Variants in STK33 observed in about 807,000 individuals in gnomAD.
STK33 encodes serine/threonine-protein kinase 33.
STK33 carries 52 observed loss-of-function variants against 58.0 expected under a neutral mutation model. The ratio of observed to expected loss-of-function variants is 0.90; its 90% CI spans 0.72 to 1.13. The LOEUF is 1.13. Ranked by LOEUF, STK33 falls within the 50% of genes most tolerant of loss-of-function variation. The pLI is 0.00. For synonymous variants in STK33, 215 were observed against 200.1 expected, an observed-to-expected ratio of 1.07 and a Z score of -0.63; for missense variants, 630 against 604.2, an observed-to-expected ratio of 1.04 and a Z score of -0.45.
chr11:8,450,704 AAAG>A (rs1278025054), intron 11 of STK33, among the ~76,000 whole-genome samples: 1 of 152,204 alleles, frequency 6.6e-6, no homozygotes, highest in African/African-American at 2.4e-5. Flanking sequence ...AGGAAGCACA[AAAG>A]AAGAAAAGCT....
intron 2 of STK33, among the ~76,000 whole-genome samples, chr11:8,479,493 C>A (rs1441340136): frequency 1.3e-5 from 2 of 150,982 alleles, no homozygotes; most frequent in African/African-American, 4.9e-5. Flanking sequence ...AACCAGGAAA[C>A]CCTCTCCCTG....
At chr11:8,382,141 A>G in the STK33 span, among the ~76,000 whole-genome samples, 1 of 152,120 alleles carries the variant, frequency 6.6e-6, no homozygotes, top group Non-Finnish European at 1.5e-5. Context: ...GTCAGTCCAC[A>G]TGAAGGGACA....
At chr11:8,375,441 T>G in the STK33 span, among the ~76,000 whole-genome samples, 1 of 152,218 alleles carries the variant, frequency 6.6e-6, no homozygotes, top group Admixed American at 6.5e-5. Flanking sequence ...CTCCTGGAAC[T>G]TGTGTTAATT....
chr11:8,400,826 A>G (rs1937743298), intron 15 of STK33, among the ~76,000 whole-genome samples: 1 of 152,230 alleles, frequency 6.6e-6, no homozygotes, highest in Non-Finnish European at 1.5e-5. Context: ...TACACCAATA[A>G]CAGACAAACA....
chr11:8,510,370 T>C (rs955830116), intron 1 of STK33, among the ~76,000 whole-genome samples: 1 of 152,198 alleles, frequency 6.6e-6, no homozygotes, highest in African/African-American at 2.4e-5. Flanking sequence ...CTTGTTGACT[T>C]GCTTAAGTTC....
intron 9 of STK33, among the ~76,000 whole-genome samples, chr11:8,456,110 T>C (rs185377940): frequency 3.1e-4 from 47 of 152,336 alleles, no homozygotes; most frequent in African/African-American, 8.9e-4. Flanking sequence ...AATAATCTTA[T>C]CAAGTTCCAT....
intron 15 of STK33, among the ~76,000 whole-genome samples, chr11:8,399,623 A>G (rs1850020109): frequency 6.6e-6 from 1 of 152,228 alleles, no homozygotes; most frequent in Non-Finnish European, 1.5e-5. Context: ...AGATCAGAGC[A>G]GAACTGAAGG....
intron 1 of STK33, among the ~76,000 whole-genome samples, chr11:8,540,260 C>T (rs1174896270): frequency 6.6e-6 from 1 of 150,676 alleles, no homozygotes; most frequent in Non-Finnish European, 1.5e-5. Flanking sequence ...GTGGGAGGAT[C>T]GTTTGAGGCT....
intron 1 of STK33, among the ~76,000 whole-genome samples, chr11:8,526,853 TATAG>T (rs975866282): frequency 7.7e-6 from 1 of 129,160 alleles, no homozygotes; most frequent in Non-Finnish European, 1.7e-5. Flanking sequence ...CAGACAAAAA[TATAG>T]ATACTGTAAG....
At chr11:8,399,985 C>T (rs1372502578) in intron 15 of STK33, among the ~76,000 whole-genome samples, 1 of 152,102 alleles carries the variant, frequency 6.6e-6, no homozygotes, top group Non-Finnish European at 1.5e-5. Flanking sequence ...TAATAGCTTA[C>T]CAACCAAAAA....
intron 1 of STK33, among the ~76,000 whole-genome samples, chr11:8,553,396 CA>C (rs923571887): frequency 1.3e-5 from 2 of 151,478 alleles, no homozygotes; most frequent in African/African-American, 4.8e-5. Context: ...ATAGCATCAC[CA>C]AAAACACCTG....
intron 9 of STK33, 84 bp from the exon 10 acceptor site, chr11:8,454,916 A>T (rs1946671353): frequency 6.9e-6 from 9 of 1,307,516 alleles, no homozygotes; most frequent in Non-Finnish European, 8.0e-6. Flanking sequence ...ATATTTGACA[A>T]ATTAATATCC....
rs2137833335 is a variant in STK33, at chr11:8,473,266, G to A, written c.236C>T (p.Thr79Ile). The A allele has an allele frequency of 6.2e-7, 1 of 1,603,154 alleles. No homozygotes were observed. Among genetic ancestry groups the A allele is most frequent in the Non-Finnish European group, 8.5e-7 (1 of 1,174,988 alleles). Residue 79 changes from threonine (T) to isoleucine (I), a missense_variant, in exon 6 of 16, where the codon ACC becomes ATC. Thr to Ile is a moderately conservative substitution (Grantham distance 89). Transcript: ENST00000687296. The stretch of plus-strand genomic sequence containing the variant: ...AGATGCTTTTCTCTCTACATTTGAG[G>A]TTCTTGAGGGCTGGGACCAAAAAAA... ...ITSRKDLPSRTSNVERKASQQ... is the reference protein window; with the variant it reads ...ITSRKDLPSRISNVERKASQQ...
chr11:8,341,789 G>A, the STK33 span, among the ~76,000 whole-genome samples: 2 of 152,204 alleles, frequency 1.3e-5, no homozygotes, highest in East Asian at 3.8e-4. Flanking sequence ...ACCTCTCAGA[G>A]ATTGTTTCCT....
chr11:8,536,414 C>G (rs1050654806), intron 1 of STK33, among the ~76,000 whole-genome samples: 1 of 152,084 alleles, frequency 6.6e-6, no homozygotes, highest in Non-Finnish European at 1.5e-5. Flanking sequence ...TCAATAATCA[C>G]CGTAAAATTT....
At chr11:8,379,585 C>T in the STK33 span, among the ~76,000 whole-genome samples, 2 of 152,154 alleles carry the variant, frequency 1.3e-5, no homozygotes, top group African/African-American at 4.8e-5. Context: ...ATTAGAACCA[C>T]AATGAGGTAC....
At chr11:8,560,672 C>A (rs1204100476) in intron 1 of STK33, among the ~76,000 whole-genome samples, 1 of 152,084 alleles carries the variant, frequency 6.6e-6, no homozygotes, top group Non-Finnish European at 1.5e-5. Context: ...ATGTTTTTGC[C>A]TTAAAATAAT....
chr11:8,560,676 AAATAAT>A (rs1463350946), intron 1 of STK33, among the ~76,000 whole-genome samples: 2 of 152,168 alleles, frequency 1.3e-5, no homozygotes, highest in Non-Finnish European at 2.9e-5. Flanking sequence ...TTTTGCCTTA[AAATAAT>A]AATAAACAAT....
At chr11:8,533,224 A>G (rs886972895) in intron 1 of STK33, 9 of 152,246 alleles carry the variant, frequency 5.9e-5, no homozygotes, top group African/African-American at 1.7e-4. Flanking sequence ...GGCCCAGAGT[A>G]TATCAACAGC....
Sources: gnomAD v4.1 joint callset for allele counts (sites outside exome capture counted in the v4.1 genomes callset) on GRCh38, gnomAD v4.1.1 for gene constraint, MANE v1.5 for transcripts, NCBI Gene and HGNC (gene_info 2026-07-23, HGNC 2026-07-21) for gene names.